PPP2R2B: variants seen among roughly 807,000 people sequenced by gnomAD.
PPP2R2B encodes the protein serine/threonine-protein phosphatase 2A 55 kDa regulatory subunit B beta isoform.
A neutral mutation model predicts 46.0 loss-of-function variants in PPP2R2B; 5 were observed. That is an observed-to-expected ratio of 0.11 (90% CI 0.06 to 0.23). PPP2R2B has a LOEUF of 0.23. Ranked by LOEUF, PPP2R2B falls within the 10% of genes least tolerant of loss-of-function variation. PPP2R2B has a pLI of 1.00. For synonymous variants in PPP2R2B, 215 were observed against 206.7 expected, an observed-to-expected ratio of 1.04 and a Z score of -0.34; for missense variants, 367 against 575.0, an observed-to-expected ratio of 0.64 and a Z score of 3.70.
At chr5:146,682,150 T>A (rs72652842) in intron 5 of PPP2R2B, among the ~76,000 whole-genome samples, 2 of 152,148 alleles carry the variant, frequency 1.3e-5, no homozygotes, top group East Asian at 3.9e-4. Context: ...AAGTGCAGCA[T>A]AACAAAGGTA....
chr5:147,066,661 A>C (rs111665994), intron 2 of PPP2R2B, among the ~76,000 whole-genome samples: 11 of 152,216 alleles, frequency 7.2e-5, no homozygotes, highest in African/African-American at 2.7e-4. Context: ...AATAAGTGTC[A>C]GGCACCGTAT....
intron 2 of PPP2R2B, among the ~76,000 whole-genome samples, chr5:146,841,647 G>A (rs2151370802): frequency 6.6e-6 from 1 of 152,238 alleles, no homozygotes; most frequent in Middle Eastern, 3.4e-3. Flanking sequence ...CATAGATGAA[G>A]CTGGAAACCA....
chr5:146,734,131 T>G lies in PPP2R2B; in HGVS notation c.71-32989A>C, dbSNP rs1030364899. ...GGGCAGTGGCATGATCACAGCTCAC[T>G]GCAGCCTTAACTTCCCTGGCTCAAG... On this transcript the variant is annotated intron_variant, in intron 2 of 9. Coordinates refer to ENST00000394411, the MANE Select transcript of PPP2R2B (RefSeq NM_181675.4). 3.3e-5 allele frequency among the ~76,000 whole-genome samples: 5 copies of G among 151,752 alleles called. No homozygotes were observed. The East Asian group carries it at 7.8e-4, about 24-fold the overall frequency.
chr5:146,977,229 C>T (rs1225410326), intron 1 of PPP2R2B, among the ~76,000 whole-genome samples: 1 of 151,998 alleles, frequency 6.6e-6, no homozygotes, highest in African/African-American at 2.4e-5. Flanking sequence ...ACTTTAATAA[C>T]CTCTTTTTCT....
chr5:146,971,228 T>C (rs1249891225), intron 1 of PPP2R2B, among the ~76,000 whole-genome samples: 1 of 152,168 alleles, frequency 6.6e-6, no homozygotes, highest in Non-Finnish European at 1.5e-5. Context: ...TGCTAAAAGG[T>C]ACACAGAGAA....
In PPP2R2B at chr5:146,986,565, T is replaced by C. The variant is rs537222624; in HGVS notation, c.79+69100A>G. On this transcript the variant is annotated intron_variant, in intron 1 of 8. Transcript: ENST00000336640. The stretch of plus-strand genomic sequence containing the variant: ...TTATCAGAGAAATTTATCAAAGATA[T>C]TGAAGTATTAATAAAAAAACAGAAA... Among the ~76,000 whole-genome samples, 3 of 152,226 alleles carry C rather than the reference T, an allele frequency of 2.0e-5. No individual in the cohort carries two copies. The South Asian group carries it at 6.2e-4, about 32-fold the overall frequency.
intron 6 of PPP2R2B, 148 bp downstream of exon 6, chr5:146,650,399 G>A (rs2151093715): frequency 1.5e-6 from 1 of 671,696 alleles, no homozygotes; most frequent in South Asian, 2.2e-5. Flanking sequence ...TGATTAAAGA[G>A]TCTCATAGGT....
At chr5:147,000,196 T>A (rs759548056) in intron 1 of PPP2R2B, among the ~76,000 whole-genome samples, 2 of 152,238 alleles carry the variant, frequency 1.3e-5, no homozygotes, top group Non-Finnish European at 2.9e-5. Flanking sequence ...CTTCTAAATA[T>A]GGCATTAAGA....
chr5:146,772,844 G>A (rs1754954017), intron 2 of PPP2R2B, among the ~76,000 whole-genome samples: 2 of 152,104 alleles, frequency 1.3e-5, no homozygotes, highest in Admixed American at 6.6e-5. Context: ...AATACACAAA[G>A]GAATATGGAT....
chr5:146,954,128 C>CT (rs3062371), intron 1 of PPP2R2B, among the ~76,000 whole-genome samples: 5,524 of 143,992 alleles, frequency 0.038, 128 homozygotes, highest in African/African-American at 0.067. Context: ...TACCAAGAGA[C>CT]TTTTTTTTTT....
intron 1 of PPP2R2B, among the ~76,000 whole-genome samples, chr5:147,013,855 C>A (rs1381287631): frequency 2.9e-5 from 4 of 138,296 alleles, no homozygotes; most frequent in Admixed American, 2.2e-4. Flanking sequence ...ACACCAAAAG[C>A]AATGGCAACG....
chr5:146,896,328 T>A (rs1242642374), intron 1 of PPP2R2B, among the ~76,000 whole-genome samples: 1 of 152,162 alleles, frequency 6.6e-6, no homozygotes, highest in African/African-American at 2.4e-5. Flanking sequence ...TTAACTATCA[T>A]TGAGGCAACT....
intron 7 of PPP2R2B, among the ~76,000 whole-genome samples, chr5:146,617,495 C>G (rs1185604061): frequency 6.6e-6 from 1 of 151,978 alleles, no homozygotes; most frequent in Non-Finnish European, 1.5e-5. Context: ...ACCTCTGTAC[C>G]CATAAAAAGA....
intron 1 of PPP2R2B, among the ~76,000 whole-genome samples, chr5:146,981,935 C>T (rs1753197071): frequency 6.6e-6 from 1 of 152,226 alleles, no homozygotes. Flanking sequence ...ACCCTAACCT[C>T]TGCAGCAGTT....
chr5:146,956,715 C>G (rs1000072617), intron 1 of PPP2R2B, among the ~76,000 whole-genome samples: 1 of 152,114 alleles, frequency 6.6e-6, no homozygotes, highest in Admixed American at 6.6e-5. Flanking sequence ...GACTGAGTGC[C>G]TTAAACAACA....
intron 1 of PPP2R2B, among the ~76,000 whole-genome samples, chr5:146,940,475 A>G (rs1764285614): frequency 6.6e-6 from 1 of 151,740 alleles, no homozygotes; most frequent in Admixed American, 6.6e-5. Flanking sequence ...TTCTGGCCAG[A>G]TGGAAGAAGT....
At chr5:146,592,529 T>C (rs565688351) in intron 9 of PPP2R2B, among the ~76,000 whole-genome samples, 6 of 152,192 alleles carry the variant, frequency 3.9e-5, no homozygotes, top group Non-Finnish European at 8.8e-5. Context: ...ATAAATGAGG[T>C]TGACTAGAAT....
intron 2 of PPP2R2B, among the ~76,000 whole-genome samples, chr5:146,851,469 G>A (rs1760347901): frequency 6.6e-6 from 1 of 152,116 alleles, no homozygotes; most frequent in East Asian, 1.9e-4. Flanking sequence ...CCATGTGAGT[G>A]AGATCATGCC....
At chr5:146,820,343 T>C (rs1217202839) in intron 2 of PPP2R2B, among the ~76,000 whole-genome samples, 1 of 152,098 alleles carries the variant, frequency 6.6e-6, no homozygotes. Flanking sequence ...AATTAAACAT[T>C]AAAAAATTTT....
Sources: allele counts gnomAD v4.1 joint callset (sites outside exome capture counted in the v4.1 genomes callset), GRCh38; gene constraint gnomAD v4.1.1; transcripts MANE v1.5; gene names NCBI Gene and HGNC (gene_info 2026-07-23, HGNC 2026-07-21).